The following ARHGEF18 variants were observed in gnomAD, a reference collection of about 807,000 sequenced individuals.
ARHGEF18 encodes rho guanine nucleotide exchange factor 18.
Under a neutral mutation model 155.7 loss-of-function variants are expected in ARHGEF18, and 93 were observed. That is an observed-to-expected ratio of 0.60 (90% CI 0.50 to 0.71). ARHGEF18 has a LOEUF of 0.71. Ranked by LOEUF, ARHGEF18 falls within the 30% of genes least tolerant of loss-of-function variation. The pLI is 0.00. For missense variants in ARHGEF18, 1,593 were observed against 1,816.1 expected, an observed-to-expected ratio of 0.88 and a Z score of 2.23; for synonymous variants, 742 against 753.1, an observed-to-expected ratio of 0.99 and a Z score of 0.24.
intron 10 of ARHGEF18, among the ~76,000 whole-genome samples, chr19:7,413,427 A>C (rs928654217): frequency 1.3e-5 from 2 of 150,550 alleles, no homozygotes; most frequent in Non-Finnish European, 3.0e-5. Context: ...TCAGCCTCCC[A>C]AGTAGCTGGG....
At chr19:7,382,950 G>T in intron 9 of ARHGEF18, 56 bp downstream of exon 9, 1 of 1,232,414 alleles carries the variant, frequency 8.1e-7, no homozygotes, top group Middle Eastern at 3.1e-4. Context: ...TTGGCTTGCT[G>T]CCCTTAGCCC....
chr19:7,445,238 G>T (rs1974913708), intron 14 of ARHGEF18, among the ~76,000 whole-genome samples: 1 of 152,104 alleles, frequency 6.6e-6, no homozygotes, highest in Non-Finnish European at 1.5e-5. Flanking sequence ...TTGAGTCCAG[G>T]AGTTCCAGAC....
At chr19:7,396,725 A>T (rs545857090) in intron 10 of ARHGEF18, among the ~76,000 whole-genome samples, 1 of 151,204 alleles carries the variant, frequency 6.6e-6, no homozygotes, top group Non-Finnish European at 1.5e-5. Context: ...AAAAAAAAAA[A>T]GAAGTGTCAG....
At position 7,458,526 on chromosome 19, in the gene ARHGEF18, C is replaced by T. The variant is rs777796445; in HGVS notation, c.2196C>T (p.Pro732=). 17 of 1,613,886 alleles carry T rather than the reference C, an allele frequency of 1.1e-5. No homozygotes were observed. Among genetic ancestry groups the T allele is most frequent in the South Asian group, 4.4e-5 (4 of 91,076 alleles). The part of the protein sequence containing the change: ...YVFASVDSKP[P]VISLQKLIVR... ...TACTCATGCAGGACTCAAAGCCACC[C>T]GTCATCTCGTTACAAAAGCTCATCG... Residue 732 remains proline (P), a synonymous_variant, in exon 19 of 29, where the codon CCC becomes CCT. Transcript: ENST00000668164.
Position 7,379,140 on chromosome 19 carries a change from G to C in ARHGEF18, c.618G>C (p.Val206=). 8.1e-7 allele frequency: 1 copy of C among 1,232,658 alleles called. No individual in the cohort carries two copies. The highest frequency in any genetic ancestry group is 3.2e-5 in the East Asian group (1 of 31,714). 76.4% of individuals were successfully genotyped at this position (1,232,658 alleles called of 1,614,324 possible). A position where few individuals can be genotyped will look rare whatever the true frequency, so the allele number is the denominator to read the frequency against. Residue 206 remains valine (V), a synonymous_variant, in exon 7 of 29, where the codon GTG becomes GTC. Transcript: ENST00000668164. ...EPDHVLIVQQ[V]LQELRQYHGA... ...CCCACAGGCTGATTGTCCAGCAGGT[G>C]CTTCAAGAACTTCGACAGTACCATG...
At chr19:7,366,050 A>G (rs1256637714) in intron 2 of ARHGEF18, among the ~76,000 whole-genome samples, 1 of 152,020 alleles carries the variant, frequency 6.6e-6, no homozygotes, top group Non-Finnish European at 1.5e-5. Context: ...GGTTCAAGAG[A>G]TTCTTGTGCC....
At chr19:7,477,893 G>A in the ARHGEF18 span, among the ~76,000 whole-genome samples, 1 of 152,216 alleles carries the variant, frequency 6.6e-6, no homozygotes, top group Admixed American at 6.5e-5. Context: ...GTGCTGGCCC[G>A]TGCCTGTAGT....
At chr19:7,443,498 G>T (rs935124027) in intron 13 of ARHGEF18, among the ~76,000 whole-genome samples, 8 of 152,116 alleles carry the variant, frequency 5.3e-5, no homozygotes, top group Admixed American at 3.9e-4. Flanking sequence ...ACCACCCTTG[G>T]CCCTCAGGTC....
intron 7 of ARHGEF18, 47 bp from the exon 8 acceptor site, chr19:7,380,870 G>A (rs1970701669): frequency 2.5e-6 from 3 of 1,200,022 alleles, no homozygotes; most frequent in Non-Finnish European, 3.1e-6. Context: ...TAGGTGAGTG[G>A]GAGAAGAGGC....
At chr19:7,390,324 T>C (rs1350282216) in intron 10 of ARHGEF18, among the ~76,000 whole-genome samples, 1 of 151,900 alleles carries the variant, frequency 6.6e-6, no homozygotes, top group Admixed American at 6.6e-5. Flanking sequence ...CTGGCCAACA[T>C]GGTAAGACCC....
intron 10 of ARHGEF18, among the ~76,000 whole-genome samples, chr19:7,385,823 A>ATCTCTCTCTCTCTCTCTCTCTC (rs1288367668): frequency 4.1e-5 from 3 of 73,780 alleles, no homozygotes; most frequent in African/African-American, 1.9e-4. Flanking sequence ...GATAGGATCT[A>ATCTCTCTCTCTCTCTCTCTCTC]TCTCTCTCTA....
chr19:7,420,275 T>A (rs373824735), intron 10 of ARHGEF18, among the ~76,000 whole-genome samples: 15 of 152,240 alleles, frequency 9.9e-5, no homozygotes, highest in East Asian at 9.7e-4. Context: ...CAATTATTAT[T>A]ATTTTGAGAC....
intron 10 of ARHGEF18, among the ~76,000 whole-genome samples, chr19:7,384,510 C>CCTT (rs1964135093): frequency 6.6e-6 from 1 of 152,022 alleles, no homozygotes. Context: ...TGGGAATTTT[C>CCTT]CTTCTTTCTC....
intron 20 of ARHGEF18, among the ~76,000 whole-genome samples, 173 bp downstream of exon 20, chr19:7,460,167 G>A (rs561169711): frequency 3.3e-5 from 5 of 152,238 alleles, no homozygotes; most frequent in African/African-American, 9.6e-5. Context: ...ATGACATAGC[G>A]ATCTCCAGAG....
intron 16 of ARHGEF18, 31 bp downstream of exon 16, chr19:7,451,297 C>T (rs570418449): frequency 2.3e-5 from 36 of 1,591,218 alleles, no homozygotes; most frequent in South Asian, 2.1e-4. Flanking sequence ...CCCGCCCGCC[C>T]GTGCTGCTGC....
Position 7,458,668 on chromosome 19 carries a change from C to T in ARHGEF18, c.2338C>T (p.His780Tyr). ...AGAGGACAGGAACGCCTGGATGGCC[C>T]ACATCCAAAGGGCTGTGGAGAGGTG... is the stretch of plus-strand genomic sequence containing the variant. Reference protein sequence around the residue: ...SKEDRNAWMAHIQRAVESCPD... With the variant: ...SKEDRNAWMAYIQRAVESCPD... The change falls in exon 19 of 29, where the codon CAC becomes TAC. Residue 780 changes from histidine to tyrosine, a missense_variant. Physicochemically the swap from His to Tyr is moderately conservative, Grantham distance 83. Transcript: ENST00000668164. 1 of 1,613,748 alleles carries T rather than the reference C, an allele frequency of 6.2e-7. No individual in the cohort carries two copies. Among genetic ancestry groups the T allele is most frequent in the Non-Finnish European group, 8.5e-7 (1 of 1,179,846 alleles).
intron 10 of ARHGEF18, among the ~76,000 whole-genome samples, chr19:7,416,661 G>T (rs1973041609): frequency 7.0e-6 from 1 of 142,190 alleles, no homozygotes; most frequent in African/African-American, 2.6e-5. Context: ...GGAGTGCAGT[G>T]GCACGATCTT....
At position 7,466,913 on chromosome 19, in the gene ARHGEF18, C is replaced by T. The variant is rs973217615; in HGVS notation, c.2905-5C>T. 3.1e-6 allele frequency: 5 copies of T among 1,613,344 alleles called. No homozygotes were observed. Among genetic ancestry groups the T allele is most frequent in the Non-Finnish European group, 3.4e-6 (4 of 1,179,900 alleles). ...CTCTCTGGTTTGACGGTGTCCTCTT[C>T]CCAGGTGGAGGCGCCAGGCACGGAA... On this transcript the variant is annotated splice_region_variant and splice_polypyrimidine_tract_variant and intron_variant, in intron 23 of 28. Transcript: ENST00000668164.
chr19:7,451,024 G>A, intron 15 of ARHGEF18, 125 bp from the exon 16 acceptor site: 3 of 737,606 alleles, frequency 4.1e-6, no homozygotes, highest in Non-Finnish European at 6.4e-6. Flanking sequence ...TGTTAATATG[G>A]GATCTTGCTG....
Sources: gnomAD v4.1 joint callset for allele counts (sites outside exome capture counted in the v4.1 genomes callset) on GRCh38, gnomAD v4.1.1 for gene constraint, MANE v1.5 for transcripts, NCBI Gene and HGNC (gene_info 2026-07-23, HGNC 2026-07-21) for gene names.